The following ADAMTS2 variants were observed in gnomAD, a reference collection of about 807,000 sequenced individuals.
ADAMTS2 encodes the protein A disintegrin and metalloproteinase with thrombospondin motifs 2.
ADAMTS2 carries 50 observed loss-of-function variants against 123.0 expected under a neutral mutation model. That is an observed-to-expected ratio of 0.41 (90% CI 0.32 to 0.51). ADAMTS2 has a LOEUF of 0.51. Ranked by LOEUF, ADAMTS2 falls within the 20% of genes least tolerant of loss-of-function variation. ADAMTS2 has a pLI of 0.35. For synonymous variants in ADAMTS2, 678 were observed against 695.4 expected, an observed-to-expected ratio of 0.98 and a Z score of 0.39; for missense variants, 1,494 against 1,705.2, an observed-to-expected ratio of 0.88 and a Z score of 2.18.
At chr5:179,338,852 G>A (rs1381878495) in intron 2 of ADAMTS2, among the ~76,000 whole-genome samples, 3 of 152,180 alleles carry the variant, frequency 2.0e-5, no homozygotes, top group Non-Finnish European at 2.9e-5. Flanking sequence ...GTTGGCACCA[G>A]GCGTGGAGGG....
At position 179,303,193 on chromosome 5, in the gene ADAMTS2, A is replaced by G. The variant is rs967854265; in HGVS notation, c.535-30129T>C. On this transcript the variant is annotated intron_variant, in intron 2 of 21. Coordinates refer to ENST00000251582, the MANE Select transcript of ADAMTS2 (RefSeq NM_014244.5). The surrounding 1 kb of genome is among the most constrained non-coding windows in gnomAD (Gnocchi z 4.7). ...GGGCAGGATCTCCCTCCCTCTCTCT[A>G]TGAAATTCCTGTTCAGCAGGGATCT... 2.0e-5 allele frequency among the ~76,000 whole-genome samples: 3 copies of G among 152,092 alleles called. No homozygotes were observed. The highest frequency in any genetic ancestry group is 7.2e-5 in the African/African-American group (3 of 41,388).
chr5:179,261,579 G>A (rs1328310531), intron 3 of ADAMTS2, among the ~76,000 whole-genome samples: 1 of 152,230 alleles, frequency 6.6e-6, no homozygotes, highest in Non-Finnish European at 1.5e-5. Flanking sequence ...CTCCCAGGAT[G>A]TCCCCACCCC....
intron 13 of ADAMTS2, among the ~76,000 whole-genome samples, chr5:179,134,721 T>C (rs1763021735): frequency 6.8e-6 from 1 of 146,472 alleles, no homozygotes; most frequent in Non-Finnish European, 1.5e-5. Flanking sequence ...TCGAGCACCC[T>C]CCCGGCTCCA....
At chr5:179,246,893 C>T (rs897796406) in intron 3 of ADAMTS2, among the ~76,000 whole-genome samples, 2 of 152,138 alleles carry the variant, frequency 1.3e-5, no homozygotes, top group Non-Finnish European at 1.5e-5. Flanking sequence ...CAAGCAACAA[C>T]ACATAAAAAA....
At chr5:179,160,982 G>A (rs1763581749) in intron 5 of ADAMTS2, among the ~76,000 whole-genome samples, 1 of 152,178 alleles carries the variant, frequency 6.6e-6, no homozygotes. Context: ...CCTAGGACCT[G>A]AGTGACGATG....
At position 179,270,287 on chromosome 5, in the gene ADAMTS2, G is replaced by A. The variant is rs570550928; in HGVS notation, c.688+2624C>T. The stretch of plus-strand genomic sequence containing the variant: ...AAAGGAGGCACCCCTGACGCTGCAG[G>A]GATATCCTGCCACCCAGACAGATGC... On this transcript the variant is annotated intron_variant, in intron 3 of 21. Coordinates refer to ENST00000251582, the MANE Select transcript of ADAMTS2 (RefSeq NM_014244.5). Among the ~76,000 whole-genome samples the A allele has an allele frequency of 8.7e-4, 133 of 152,186 alleles. 1 individual carries two copies. The highest frequency in any genetic ancestry group is 3.0e-3 in the African/African-American group (125 of 41,522).
At position 179,188,198 on chromosome 5, in the gene ADAMTS2, G is replaced by A. The variant is rs2113328796; in HGVS notation, c.892-7043C>T. ...GCTGAGCTTTGGGCCACCAGAGGCAGCCTGTGGCCCACCTGGCAAAACCAT... is the reference window on the plus strand; with the variant it reads ...GCTGAGCTTTGGGCCACCAGAGGCAACCTGTGGCCCACCTGGCAAAACCAT... On this transcript the variant is annotated intron_variant, in intron 4 of 21. Transcript: ENST00000251582. This position sits in a 1 kb window ranked among gnomAD's most constrained non-coding sequence, Gnocchi z 5.1. Among the ~76,000 whole-genome samples the A allele has an allele frequency of 1.3e-5, 2 of 152,346 alleles. 1 individual carries two copies. Among genetic ancestry groups the A allele is most frequent in the South Asian group, 4.1e-4 (2 of 4,830 alleles).
Position 179,202,738 on chromosome 5 carries a change from T to C in ADAMTS2, c.891+4775A>G, listed in dbSNP as rs970379606. Among the ~76,000 whole-genome samples, 2 of 138,846 alleles carry C rather than the reference T, an allele frequency of 1.4e-5. No individual in the cohort carries two copies. The highest frequency in any genetic ancestry group is 3.1e-5 in the Non-Finnish European group (2 of 63,742). The allele number at this position is 138,846 out of a possible 152,430, so 91.1% of individuals were successfully genotyped here. On this transcript the variant is annotated intron_variant, in intron 4 of 21. Transcript: ENST00000251582. This position sits in a 1 kb window ranked among gnomAD's most constrained non-coding sequence, Gnocchi z 4.0. ...ACACCGTGTTTCCTTACTCACACCA[T>C]GGCGCGGGGTGGGTCGGGAGGGCCC...
chr5:179,299,410 T>A lies in ADAMTS2; in HGVS notation c.535-26346A>T, dbSNP rs536048708. ...CGGCCGTGGTGGCGGGCGCCTGTAG[T>A]CCCAGCTACTTGGGAGGCTGAGGCA... On this transcript the variant is annotated intron_variant, in intron 2 of 21. Coordinates refer to ENST00000251582, the MANE Select transcript of ADAMTS2 (RefSeq NM_014244.5). Among the ~76,000 whole-genome samples, 4 of 108,922 alleles carry A rather than the reference T, an allele frequency of 3.7e-5. 1 individual carries two copies. Among genetic ancestry groups the A allele is most frequent in the African/African-American group, 1.1e-4 (3 of 28,100 alleles). The allele number at this position is 108,922 out of a possible 152,430, so 71.5% of individuals were successfully genotyped here.
chr5:179,131,946 G>T (rs1050090795), intron 15 of ADAMTS2, among the ~76,000 whole-genome samples: 2 of 152,228 alleles, frequency 1.3e-5, no homozygotes, highest in Non-Finnish European at 2.9e-5. Context: ...AGGGGACAGG[G>T]AGTCATCCTG....
rs756375016 is a variant in ADAMTS2, at chr5:179,152,211, A to G, written c.1560T>C (p.Pro520=). The G allele has an allele frequency of 9.9e-6, 16 of 1,614,094 alleles. No homozygotes were observed. Among genetic ancestry groups the G allele is most frequent in the Non-Finnish European group, 1.4e-5 (16 of 1,179,950 alleles). ...TGGTCTTGCAAAAGTAGGGGTTGTC[A>G]GGATGGCTGCACCACAGCTGCTTGC... ...DPCKQLWCSH[P]DNPYFCKTKK... The change falls in exon 10 of 22, where the codon CCT becomes CCC. Residue 520 remains proline (P), a synonymous_variant. Transcript: ENST00000251582.
rs1368308554 is a variant in ADAMTS2 at position 179,152,162 on chromosome 5, TC to T, written c.1608del (p.Thr537LeufsTer17). On this transcript the variant is annotated frameshift_variant, in exon 10 of 22. Transcript: ENST00000251582. LOFTEE classifies it high-confidence loss of function. ...CKTKKGPPLDGTMCAPGKHCF... is the reference protein window; with the variant it reads ...CKTKKGPPLDXTMCAPGKHCF... ...CTCACCTTGCCAGGTGCACACATAG[TC>T]CCGTCCAAGGGGGGCCCCTTCTTGG... The T allele has an allele frequency of 6.2e-7, 1 of 1,613,860 alleles. No individual in the cohort carries two copies. The highest frequency in any genetic ancestry group is 8.5e-7 in the Non-Finnish European group (1 of 1,179,850).
At position 179,185,436 on chromosome 5, in the gene ADAMTS2, C is replaced by T. The variant is rs779461135; in HGVS notation, c.892-4281G>A. Among the ~76,000 whole-genome samples, 4 of 152,070 alleles carry T rather than the reference C, an allele frequency of 2.6e-5. No individual in the cohort carries two copies. The highest frequency in any genetic ancestry group is 1.9e-4 in the East Asian group (1 of 5,166). On this transcript the variant is annotated intron_variant, in intron 4 of 21. Transcript: ENST00000251582. The surrounding 1 kb of genome is among the most constrained non-coding windows in gnomAD (Gnocchi z 5.9). ...TCCCACAGGGCGGAGGGAGGAGATG[C>T]GGGGCTGGCCCTCTCCTGGCTCCTG...
At chr5:179,321,348 C>T (rs1984625) in intron 2 of ADAMTS2, among the ~76,000 whole-genome samples, 1,781 of 152,226 alleles carry the variant, frequency 0.012, 39 homozygotes, top group African/African-American at 0.04. Context: ...GTGTGCCATG[C>T]GCACCAGCTT....
At chr5:179,320,960 T>C (rs1757153093) in intron 2 of ADAMTS2, among the ~76,000 whole-genome samples, 1 of 151,910 alleles carries the variant, frequency 6.6e-6, no homozygotes, top group South Asian at 2.1e-4. Context: ...AAGCCAAGGG[T>C]TGGGGATGTG....
chr5:179,287,722 C>T (rs1449402244), intron 2 of ADAMTS2, among the ~76,000 whole-genome samples: 1 of 152,240 alleles, frequency 6.6e-6, no homozygotes, highest in Non-Finnish European at 1.5e-5. Context: ...GGGTCTGCTC[C>T]TTCCCACAGC....
Position 179,136,035 on chromosome 5 carries a change from C to T in ADAMTS2, c.1959G>A (p.Glu653=), listed in dbSNP as rs1219575796. 6.2e-7 allele frequency: 1 copy of T among 1,613,386 alleles called. No homozygotes were observed. The highest frequency in any genetic ancestry group is 1.7e-5 in the Admixed American group (1 of 60,030). ...WLPHEHRDAK[E]RCHLYCESRE... is the part of the protein sequence containing the mutation. The stretch of plus-strand genomic sequence containing the variant: ...TGGACTCGCAGTACAGGTGGCATCT[C>T]TCCTTGGCTGGAAGGGAAGCAGCTG... The change falls in exon 13 of 22, where the codon GAG becomes GAA. Residue 653 remains glutamate, a synonymous_variant. Transcript: ENST00000251582.
intron 3 of ADAMTS2, among the ~76,000 whole-genome samples, chr5:179,223,410 TCA>T (rs1561814088): frequency 9.1e-6 from 1 of 110,166 alleles, no homozygotes; most frequent in South Asian, 2.9e-4. Flanking sequence ...ACGCATGCAG[TCA>T]CATACACACA....
chr5:179,157,184 A>G (rs949170764), intron 6 of ADAMTS2, among the ~76,000 whole-genome samples: 4 of 151,590 alleles, frequency 2.6e-5, no homozygotes, highest in Non-Finnish European at 5.9e-5. Context: ...TCCTGACCTC[A>G]AGTGATCCGC....
Sources: allele counts gnomAD v4.1 joint callset (sites outside exome capture counted in the v4.1 genomes callset), GRCh38; gene constraint gnomAD v4.1.1; non-coding constraint Gnocchi (gnomAD v3.1); transcripts MANE v1.5; gene names NCBI Gene and HGNC (gene_info 2026-07-23, HGNC 2026-07-21).